FSTL4: variants seen among roughly 807,000 people sequenced by gnomAD.
FSTL4 encodes the protein follistatin-related protein 4.
A neutral mutation model predicts 78.2 loss-of-function variants in FSTL4; 28 were observed. That is an observed-to-expected ratio of 0.36 (90% CI 0.27 to 0.49). The LOEUF is 0.49. Ranked by LOEUF, FSTL4 falls within the 20% of genes least tolerant of loss-of-function variation. FSTL4 has a pLI of 0.98. For missense variants in FSTL4, 922 were observed against 1,084.9 expected (o/e 0.85, Z 2.11); for synonymous variants, 422 against 440.5 (o/e 0.96, Z 0.53).
At chr5:133,410,241 G>A (rs977072284) in intron 3 of FSTL4, among the ~76,000 whole-genome samples, 1 of 152,090 alleles carries the variant, frequency 6.6e-6, no homozygotes, top group Non-Finnish European at 1.5e-5. Flanking sequence ...TCCTACCCCC[G>A]AGTTCCTTTT....
intron 6 of FSTL4, among the ~76,000 whole-genome samples, chr5:133,267,649 C>T (rs1048263765): frequency 6.6e-6 from 1 of 152,138 alleles, no homozygotes; most frequent in Admixed American, 6.5e-5. Flanking sequence ...ATACCTGAGT[C>T]CATCACTGAA....
At chr5:133,596,889 A>G (rs968173634) in intron 2 of FSTL4, among the ~76,000 whole-genome samples, 3 of 152,230 alleles carry the variant, frequency 2.0e-5, no homozygotes, top group Admixed American at 2.0e-4. Flanking sequence ...GATTTTTATT[A>G]GGAGGAAAGA....
the FSTL4 span, among the ~76,000 whole-genome samples, chr5:133,631,351 C>A: frequency 6.6e-6 from 1 of 150,854 alleles, no homozygotes; most frequent in Non-Finnish European, 1.5e-5. Flanking sequence ...TATGAATGGA[C>A]ACTACTCAAA....
At chr5:133,743,126 A>T in the FSTL4 span, among the ~76,000 whole-genome samples, 3 of 152,192 alleles carry the variant, frequency 2.0e-5, no homozygotes, top group African/African-American at 7.2e-5. Flanking sequence ...ATCTAAGTAC[A>T]GCTCAGACTC....
the FSTL4 span, among the ~76,000 whole-genome samples, chr5:133,792,377 T>C: frequency 6.4e-4 from 97 of 152,342 alleles, 1 homozygote; most frequent in Non-Finnish European, 9.3e-4. Flanking sequence ...ATGAGTTCTG[T>C]TGAGCAATTT....
At chr5:133,735,806 T>C in the FSTL4 span, among the ~76,000 whole-genome samples, 17 of 152,166 alleles carry the variant, frequency 1.1e-4, no homozygotes, top group African/African-American at 3.4e-4. Context: ...AAGCATAAGA[T>C]AAATGTGTTC....
At chr5:133,438,522 C>T (rs987856608) in intron 3 of FSTL4, among the ~76,000 whole-genome samples, 3 of 152,092 alleles carry the variant, frequency 2.0e-5, no homozygotes, top group Admixed American at 6.5e-5. Context: ...ATGTACATGT[C>T]GTTAAGATGT....
At chr5:133,372,530 A>G (rs940813491) in intron 4 of FSTL4, among the ~76,000 whole-genome samples, 2 of 152,170 alleles carry the variant, frequency 1.3e-5, no homozygotes, top group Non-Finnish European at 2.9e-5. Flanking sequence ...GCCAGCCAAC[A>G]GGCTTCTGCA....
At chr5:133,365,259 T>TAATAAA (rs930586539) in intron 4 of FSTL4, among the ~76,000 whole-genome samples, 3 of 151,842 alleles carry the variant, frequency 2.0e-5, no homozygotes, top group African/African-American at 7.3e-5. Context: ...ATAATAATAA[T>TAATAAA]AAACCTTAAT....
intron 5 of FSTL4, among the ~76,000 whole-genome samples, chr5:133,314,900 C>T (rs1333400673): frequency 6.6e-6 from 1 of 152,196 alleles, no homozygotes; most frequent in South Asian, 2.1e-4. Flanking sequence ...CAGTGGCTCA[C>T]ACCTGTAATC....
chr5:133,635,654 T>C, the FSTL4 span, among the ~76,000 whole-genome samples: 1 of 152,086 alleles, frequency 6.6e-6, no homozygotes, highest in Admixed American at 6.6e-5. Flanking sequence ...TCCCAGCTAT[T>C]TGGGAGGCTG....
chr5:133,624,987 G>T, the FSTL4 span, among the ~76,000 whole-genome samples: 1 of 151,030 alleles, frequency 6.6e-6, no homozygotes, highest in African/African-American at 2.4e-5. Context: ...ATTTCTCTTG[G>T]TATATAATTC....
At chr5:133,394,657 G>A (rs1265312944) in intron 4 of FSTL4, among the ~76,000 whole-genome samples, 1 of 152,184 alleles carries the variant, frequency 6.6e-6, no homozygotes, top group Non-Finnish European at 1.5e-5. Context: ...CTCCTGCGTG[G>A]CCCGAGCCTC....
intron 4 of FSTL4, among the ~76,000 whole-genome samples, chr5:133,365,259 T>C (rs1413276636): frequency 6.6e-6 from 1 of 151,842 alleles, no homozygotes; most frequent in Admixed American, 6.6e-5. Context: ...ATAATAATAA[T>C]AAACCTTAAT....
intron 3 of FSTL4, among the ~76,000 whole-genome samples, chr5:133,451,927 A>C (rs1230443150): frequency 6.6e-6 from 1 of 152,252 alleles, no homozygotes. Context: ...CCACAGCCAA[A>C]GAGAGAAGGA....
chr5:133,369,254 C>T (rs1418040830), intron 4 of FSTL4, among the ~76,000 whole-genome samples: 1 of 152,140 alleles, frequency 6.6e-6, no homozygotes, highest in Non-Finnish European at 1.5e-5. Flanking sequence ...AGAATCATGC[C>T]TCTTAATAAA....
chr5:133,403,464 G>T (rs1295078746), intron 3 of FSTL4, among the ~76,000 whole-genome samples: 4 of 152,212 alleles, frequency 2.6e-5, no homozygotes, highest in African/African-American at 7.2e-5. Flanking sequence ...GGTCCCACAG[G>T]TGCTAGGCCT....
chr5:133,752,797 A>C, the FSTL4 span, among the ~76,000 whole-genome samples: 3 of 152,160 alleles, frequency 2.0e-5, no homozygotes, highest in Non-Finnish European at 4.4e-5. Context: ...CTGCCAGCAC[A>C]GACACCCCAG....
the FSTL4 span, among the ~76,000 whole-genome samples, chr5:133,768,978 T>C: frequency 6.6e-6 from 1 of 152,226 alleles, no homozygotes; most frequent in Non-Finnish European, 1.5e-5. Context: ...AAAGCTACAC[T>C]GCTTCTCCAA....
Sources: gnomAD v4.1 joint callset for allele counts (sites outside exome capture counted in the v4.1 genomes callset) on GRCh38, gnomAD v4.1.1 for gene constraint, MANE v1.5 for transcripts, NCBI Gene and HGNC (gene_info 2026-07-23, HGNC 2026-07-21) for gene names.